Variants in FSD2 observed in about 807,000 individuals in gnomAD.
FSD2 encodes fibronectin type III and SPRY domain containing 2.
A neutral mutation model predicts 80.4 loss-of-function variants in FSD2; 71 were observed. The observed-to-expected ratio is 0.88, with a 90% CI of 0.73 to 1.08. The LOEUF (loss-of-function observed/expected upper bound fraction) is 1.08. Ranked by LOEUF, FSD2 falls within the 50% of genes least tolerant of loss-of-function variation. FSD2 has a pLI of 0.00. For missense variants in FSD2, 923 were observed against 913.8 expected (o/e 1.01, Z -0.13); for synonymous variants, 361 against 329.5 (o/e 1.10, Z -1.03).
At chr15:82,778,340 T>C (rs1039127039) in intron 6 of FSD2, among the ~76,000 whole-genome samples, 5 of 151,882 alleles carry the variant, frequency 3.3e-5, no homozygotes, top group Non-Finnish European at 5.9e-5. Flanking sequence ...TGTATACATA[T>C]GGAATATTAT....
At chr15:82,762,737 C>A (rs1006429444) in intron 11 of FSD2, among the ~76,000 whole-genome samples, 6 of 152,140 alleles carry the variant, frequency 3.9e-5, no homozygotes, top group Admixed American at 2.6e-4. Flanking sequence ...ATTCAGAGGC[C>A]AGCCCAAGGA....
chr15:82,800,710 A>C (rs1401346345), intron 1 of FSD2, among the ~76,000 whole-genome samples: 1 of 150,556 alleles, frequency 6.6e-6, no homozygotes, highest in Non-Finnish European at 1.5e-5. Context: ...AAAAAAAAAA[A>C]AAAGCCCCTC....
At position 82,786,741 on chromosome 15, in the gene FSD2, C is replaced by T; in HGVS notation, c.639+11G>A. The T allele has an allele frequency of 6.2e-7, 1 of 1,611,274 alleles. No homozygotes were observed. Among genetic ancestry groups the T allele is most frequent in the Non-Finnish European group, 8.5e-7 (1 of 1,178,160 alleles). On this transcript the variant is annotated intron_variant, in intron 2 of 12. Coordinates refer to ENST00000334574, the MANE Select transcript of FSD2 (RefSeq NM_001007122.4). ...TATCAAGACAGAGAAGAACCAAGGA[C>T]ACCTATTTACCTTGGCACTTTCCAG... is the stretch of plus-strand genomic sequence containing the variant.
chr15:82,778,734 AC>A, intron 6 of FSD2, 31 bp downstream of exon 6: 1 of 1,571,362 alleles, frequency 6.4e-7, no homozygotes, highest in East Asian at 2.3e-5. Flanking sequence ...GGTAGTCTGA[AC>A]CTGCCGCGAA....
intron 11 of FSD2, among the ~76,000 whole-genome samples, chr15:82,764,604 G>A (rs1038555956): frequency 1.4e-5 from 2 of 145,944 alleles, no homozygotes; most frequent in Middle Eastern, 3.6e-3. Context: ...TCAGCCTCCC[G>A]AGTAGCTGGG....
Position 82,759,073 on chromosome 15 carries a change from G to A in FSD2, c.*275C>T, listed in dbSNP as rs1245472840. The stretch of plus-strand genomic sequence containing the variant: ...GATATTTTGCATATACACGAATATA[G>A]TTTGACAGCTTCAAAGACTTTTGAG... On this transcript the variant is annotated 3_prime_UTR_variant, in exon 13 of 13. Coordinates refer to ENST00000334574, the MANE Select transcript of FSD2 (RefSeq NM_001007122.4). 3 of 394,132 alleles carry A rather than the reference G, an allele frequency of 7.6e-6. No individual in the cohort carries two copies. Among genetic ancestry groups the A allele is most frequent in the South Asian group, 6.6e-5 (2 of 30,136 alleles). The allele number at this position is 394,132 out of a possible 1,614,324, so 24.4% of individuals were successfully genotyped here.
Position 82,769,890 on chromosome 15 carries a change from G to A in FSD2, c.1268-6C>T. On this transcript the variant is annotated splice_polypyrimidine_tract_variant and splice_region_variant and intron_variant, in intron 7 of 12. Coordinates refer to ENST00000334574, the MANE Select transcript of FSD2 (RefSeq NM_001007122.4). Reference sequence around the variant, plus strand: ...TTTGACAGTCACTGTAAACTCTGGGGAAAAAAAAAGATAAGAATTCAACCC... The same window carrying A: ...TTTGACAGTCACTGTAAACTCTGGGAAAAAAAAAAGATAAGAATTCAACCC... The A allele has an allele frequency of 3.1e-6, 5 of 1,597,942 alleles. No individual in the cohort carries two copies. The highest frequency in any genetic ancestry group is 1.7e-5 in the Admixed American group (1 of 57,744).
chr15:82,786,625 C>A lies in FSD2; in HGVS notation c.640-19G>T. The A allele has an allele frequency of 1.2e-6, 2 of 1,608,542 alleles. No individual in the cohort carries two copies. The highest frequency in any genetic ancestry group is 1.7e-6 in the Non-Finnish European group (2 of 1,175,156). On this transcript the variant is annotated intron_variant, in intron 2 of 12. Coordinates refer to ENST00000334574, the MANE Select transcript of FSD2 (RefSeq NM_001007122.4). ...TTTCATCCTATCCAACAGAGGATCA[C>A]AAAGAAGGTATTAATGTTACATCTT...
At chr15:82,771,967 A>C in intron 7 of FSD2, 106 bp downstream of exon 7, 1 of 1,185,322 alleles carries the variant, frequency 8.4e-7, no homozygotes, top group Non-Finnish European at 1.1e-6. Context: ...GCATGTCTAG[A>C]CCCATCCTGT....
chr15:82,795,819 G>A (rs546045060), intron 1 of FSD2, among the ~76,000 whole-genome samples: 7 of 148,542 alleles, frequency 4.7e-5, no homozygotes, highest in African/African-American at 1.2e-4. Context: ...GTGATGGAGC[G>A]AGACTCCATC....
Position 82,765,946 on chromosome 15 carries a change from T to C in FSD2, c.1639A>G (p.Met547Val), listed in dbSNP as rs1596230301. 5 of 1,608,804 alleles carry C rather than the reference T, an allele frequency of 3.1e-6. No homozygotes were observed. The East Asian group carries it at 1.1e-4, about 36-fold the overall frequency. ...SYIIYVRALN[M>V]GGPSVRSEPA... ...TCGCTCCTCACGCTGGGGCCCCCCA[T>C]ATTGAGGGCTCGCACATAGATAATG... Residue 547 changes from methionine to valine, a missense_variant, in exon 10 of 13, where the codon ATG becomes GTG. By Grantham distance (21) the Met-to-Val change is conservative. Coordinates refer to ENST00000334574, the MANE Select transcript of FSD2 (RefSeq NM_001007122.4).
intron 1 of FSD2, among the ~76,000 whole-genome samples, chr15:82,799,705 A>G (rs1021986256): frequency 2.0e-5 from 3 of 152,018 alleles, no homozygotes; most frequent in African/African-American, 7.2e-5. Flanking sequence ...GTGTCCTCCC[A>G]CCAGCCCTGC....
Position 82,768,940 on chromosome 15 carries a change from A to G in FSD2, c.1493T>C (p.Val498Ala). Reference protein sequence around the residue: ...ICWESGNLNPVDSYTVELTQA... With the variant: ...ICWESGNLNPADSYTVELTQA... ...GGTCAGCTCCACAGTGTACGAGTCC[A>G]CAGGATTCAGGTTCCCAGACTCCCA... The change falls in exon 9 of 13, where the codon GTG becomes GCG. Residue 498 changes from valine (V) to alanine (A), a missense_variant. By Grantham distance (64) the Val-to-Ala change is moderately conservative. Coordinates refer to ENST00000334574, the MANE Select transcript of FSD2 (RefSeq NM_001007122.4). 6.2e-7 allele frequency: 1 copy of G among 1,608,234 alleles called. No homozygotes were observed. Among genetic ancestry groups the G allele is most frequent in the Non-Finnish European group, 8.5e-7 (1 of 1,177,398 alleles).
chr15:82,796,532 G>A (rs975499697), intron 1 of FSD2, among the ~76,000 whole-genome samples: 7 of 152,192 alleles, frequency 4.6e-5, no homozygotes, highest in Non-Finnish European at 7.3e-5. Flanking sequence ...TCACCCAGAC[G>A]AACTGTTCTC....
rs1439512829 is a variant in FSD2 at position 82,756,903 on chromosome 15, G to T, written c.*2445C>A. 3 of 152,184 alleles carry T rather than the reference G, an allele frequency of 2.0e-5. No individual in the cohort carries two copies. In the East Asian group the frequency reaches 5.8e-4, roughly 29 times the overall value. The allele number at this position is 152,184 out of a possible 1,614,324, so 9.4% of individuals were successfully genotyped here. The stretch of plus-strand genomic sequence containing the variant: ...CTTTTTTTTGCTTTGTTTTTTAACA[G>T]ACTTATCAGCAGGTTGCAGGTGAAC... On this transcript the variant is annotated 3_prime_UTR_variant, in exon 13 of 13. Transcript: ENST00000334574.
At chr15:82,771,587 G>A (rs2049572269) in intron 7 of FSD2, among the ~76,000 whole-genome samples, 1 of 152,228 alleles carries the variant, frequency 6.6e-6, no homozygotes, top group Non-Finnish European at 1.5e-5. Context: ...GTCTTCTCCT[G>A]GGAACGTGGA....
At chr15:82,780,032 C>G (rs991485430) in intron 5 of FSD2, among the ~76,000 whole-genome samples, 1 of 151,962 alleles carries the variant, frequency 6.6e-6, no homozygotes, top group Admixed American at 6.6e-5. Flanking sequence ...TGAGCCTCAC[C>G]GTACACGCTC....
At chr15:82,782,104 TAAA>T (rs1555478754) in intron 4 of FSD2, among the ~76,000 whole-genome samples, 1 of 118,906 alleles carries the variant, frequency 8.4e-6, no homozygotes, top group African/African-American at 3.1e-5. Context: ...ATAATAATAA[TAAA>T]ACTCTTGGCC....
intron 1 of FSD2, among the ~76,000 whole-genome samples, chr15:82,790,555 T>TGTGTGTGTGTGTGTGTTC (rs1435396943): frequency 1.5e-4 from 23 of 151,632 alleles, no homozygotes; most frequent in African/African-American, 5.3e-4. Context: ...TGTGTGTGTG[T>TGTGTGTGTGTGTGTGTTC]GTGTGTGTGT....
Sources: gnomAD v4.1 joint callset for allele counts (sites outside exome capture counted in the v4.1 genomes callset) on GRCh38, gnomAD v4.1.1 for gene constraint, MANE v1.5 for transcripts, NCBI Gene and HGNC (gene_info 2026-07-23, HGNC 2026-07-21) for gene names.